The following RASAL2 variants were observed in gnomAD, a reference collection of about 807,000 sequenced individuals.
RASAL2 encodes the protein ras GTPase-activating protein nGAP.
In RASAL2, 58 loss-of-function variants were observed where a neutral mutation model predicts 128.9. The observed-to-expected ratio is 0.45, with a 90% confidence interval of 0.36 to 0.56. RASAL2 has a LOEUF of 0.56. Among genes scored for constraint, RASAL2 ranks in the 20% least tolerant of loss-of-function variants. The probability of loss-of-function intolerance (pLI) is 0.00; values close to 1 mark genes in which losing one functional copy is unlikely to be tolerated. For synonymous variants in RASAL2, 561 were observed against 580.8 expected (o/e 0.97, Z 0.49); for missense variants, 1,360 against 1,601.6 (o/e 0.85, Z 2.57).
At chr1:178,436,580 G>A (rs762827197) in intron 5 of RASAL2, among the ~76,000 whole-genome samples, 4 of 152,072 alleles carry the variant, frequency 2.6e-5, no homozygotes, top group Admixed American at 1.3e-4. Flanking sequence ...ATTAAACCAC[G>A]GTAGGCACTG....
intron 5 of RASAL2, among the ~76,000 whole-genome samples, chr1:178,433,480 A>G (rs1427040340): frequency 6.6e-6 from 1 of 151,970 alleles, no homozygotes; most frequent in Non-Finnish European, 1.5e-5. Flanking sequence ...CCTTGCATCT[A>G]CCTCTAGTAT....
chr1:178,189,615 C>T (rs1477231318), intron 1 of RASAL2, among the ~76,000 whole-genome samples: 2 of 152,054 alleles, frequency 1.3e-5, no homozygotes, highest in South Asian at 2.1e-4. Flanking sequence ...CCAATGACCT[C>T]GCAGTCTCAC....
chr1:178,290,346 A>AT (rs1438118162), intron 2 of RASAL2, among the ~76,000 whole-genome samples: 1 of 152,220 alleles, frequency 6.6e-6, no homozygotes, highest in African/African-American at 2.4e-5. Context: ...CTTTCTTTCC[A>AT]TGATATATCT....
chr1:178,445,739 G>C, intron 9 of RASAL2, 77 bp downstream of exon 9: 1 of 1,422,888 alleles, frequency 7.0e-7, no homozygotes, highest in African/African-American at 1.4e-5. Flanking sequence ...GAGACGAATT[G>C]AGCTCAAATT....
chr1:178,226,581 T>C (rs2102012898), intron 1 of RASAL2, among the ~76,000 whole-genome samples: 1 of 152,250 alleles, frequency 6.6e-6, no homozygotes, highest in Middle Eastern at 3.4e-3. Context: ...TAAGGAAAAA[T>C]TTAAGCATTA....
chr1:178,444,697 G>A (rs557262343), intron 8 of RASAL2, among the ~76,000 whole-genome samples: 13 of 152,016 alleles, frequency 8.6e-5, no homozygotes, highest in South Asian at 2.1e-4. Context: ...ATGGATGGAC[G>A]GATGGATGGG....
At chr1:178,215,334 A>G (rs1445259873) in intron 1 of RASAL2, among the ~76,000 whole-genome samples, 4 of 152,252 alleles carry the variant, frequency 2.6e-5, no homozygotes, top group Admixed American at 6.5e-5. Flanking sequence ...CTTTGACACC[A>G]CAAAACCTCC....
At chr1:178,345,652 G>A (rs1334868460) in intron 3 of RASAL2, among the ~76,000 whole-genome samples, 2 of 152,122 alleles carry the variant, frequency 1.3e-5, no homozygotes, top group South Asian at 4.1e-4. Context: ...AAGGTAAGAT[G>A]TCTGGGTCCC....
chr1:178,239,655 A>G (rs1239630263), intron 1 of RASAL2, among the ~76,000 whole-genome samples: 1 of 152,070 alleles, frequency 6.6e-6, no homozygotes, highest in Non-Finnish European at 1.5e-5. Context: ...ATTACTCTCT[A>G]TCCAAGGGAC....
intron 3 of RASAL2, among the ~76,000 whole-genome samples, chr1:178,362,379 A>T (rs940626482): frequency 1.3e-5 from 2 of 152,130 alleles, no homozygotes; most frequent in African/African-American, 4.8e-5. Context: ...TTTGATATAC[A>T]TAGTGAAATG....
chr1:178,164,406 A>G (rs1661439833), intron 1 of RASAL2, among the ~76,000 whole-genome samples: 1 of 152,110 alleles, frequency 6.6e-6, no homozygotes, highest in South Asian at 2.1e-4. Context: ...TCCAAATGGA[A>G]CAGGCCCAAA....
At chr1:178,409,826 A>G (rs1389639180) in intron 4 of RASAL2, among the ~76,000 whole-genome samples, 1 of 152,226 alleles carries the variant, frequency 6.6e-6, no homozygotes, top group Non-Finnish European at 1.5e-5. Context: ...GTTGTTTCTC[A>G]GAAGAGGATA....
At chr1:178,406,070 G>C (rs559304805) in intron 4 of RASAL2, among the ~76,000 whole-genome samples, 1 of 152,040 alleles carries the variant, frequency 6.6e-6, no homozygotes, top group African/African-American at 2.4e-5. Flanking sequence ...TTGCCATGTC[G>C]TCTTGTTATT....
chr1:178,143,179 T>C (rs927263296), intron 1 of RASAL2, among the ~76,000 whole-genome samples: 1 of 151,740 alleles, frequency 6.6e-6, no homozygotes, highest in African/African-American at 2.4e-5. Flanking sequence ...ATATTATTTA[T>C]ATATAGATGT....
intron 1 of RASAL2, among the ~76,000 whole-genome samples, chr1:178,249,123 C>T (rs1374491911): frequency 3.9e-5 from 6 of 152,088 alleles, no homozygotes; most frequent in Non-Finnish European, 5.9e-5. Context: ...GGATAATACC[C>T]TAAAGTGTGT....
intron 10 of RASAL2, 53 bp from the exon 11 acceptor site, chr1:178,452,363 C>A: frequency 6.8e-7 from 1 of 1,472,480 alleles, no homozygotes; most frequent in South Asian, 1.2e-5. Flanking sequence ...ATCACTTGTG[C>A]TTGTACTGGT....
intron 5 of RASAL2, among the ~76,000 whole-genome samples, chr1:178,431,305 A>C (rs1675882335): frequency 6.6e-6 from 1 of 152,122 alleles, no homozygotes. Flanking sequence ...TATAATTCAC[A>C]GAAAAGGGAA....
At chr1:178,228,805 G>A (rs1408322402) in intron 1 of RASAL2, among the ~76,000 whole-genome samples, 2 of 152,006 alleles carry the variant, frequency 1.3e-5, no homozygotes, top group African/African-American at 4.8e-5. Flanking sequence ...TATCTTAATA[G>A]GGTGATCTTG....
At chr1:178,367,313 T>TA (rs1443980250) in intron 3 of RASAL2, among the ~76,000 whole-genome samples, 21 of 152,110 alleles carry the variant, frequency 1.4e-4, no homozygotes. Flanking sequence ...TTACCACCTT[T>TA]AACAGTTTAG....
Sources: gnomAD v4.1 joint callset for allele counts (sites outside exome capture counted in the v4.1 genomes callset) on GRCh38, gnomAD v4.1.1 for gene constraint, MANE v1.5 for transcripts, NCBI Gene and HGNC (gene_info 2026-07-23, HGNC 2026-07-21) for gene names.